The following VIL1 variants were observed in gnomAD, a reference collection of about 807,000 sequenced individuals.
VIL1 encodes the protein villin 1, also known as villin-1.
Under a neutral mutation model 104.0 loss-of-function variants are expected in VIL1, and 86 were observed. The observed-to-expected ratio is 0.83, with a 90% CI of 0.69 to 0.99. The LOEUF (loss-of-function observed/expected upper bound fraction) is 0.99, where lower values mean the gene tolerates loss of function less well. Among genes scored for constraint, VIL1 ranks in the 50% least tolerant of loss-of-function variants. The pLI is 0.00. For synonymous variants in VIL1, 394 were observed against 412.6 expected (o/e 0.95, Z 0.55); for missense variants, 944 against 1,054.1 (o/e 0.90, Z 1.45).
intron 9 of VIL1, among the ~76,000 whole-genome samples, chr2:218,430,269 TG>T (rs1431727641): frequency 6.6e-6 from 1 of 152,060 alleles, no homozygotes; most frequent in Non-Finnish European, 1.5e-5. Context: ...GGAGGGAGGC[TG>T]GCTTCCTACA....
chr2:218,419,709 G>C (rs1688868261), intron 1 of VIL1, among the ~76,000 whole-genome samples: 1 of 152,214 alleles, frequency 6.6e-6, no homozygotes, highest in Non-Finnish European at 1.5e-5. Flanking sequence ...GAGGCAAGGG[G>C]CTGGAGGTGG....
chr2:218,434,577 T>C lies in VIL1; in HGVS notation c.1552T>C (p.Phe518Leu). The change falls in exon 14 of 20, where the codon TTC becomes CTC. Residue 518 changes from phenylalanine (F) to leucine (L), a missense_variant. By Grantham distance (22) the Phe-to-Leu change is conservative (BLOSUM62 0). Coordinates refer to ENST00000248444, the MANE Select transcript of VIL1 (RefSeq NM_007127.3). ...NLETGPSTRL[F>L]QVQGTGANNT... ...GGAGACCGGGCCCTCCACACGGCTG[T>C]TCCAGGTCCAGGGAACTGGCGCCAA... is the stretch of plus-strand genomic sequence containing the variant. 6.2e-7 allele frequency: 1 copy of C among 1,614,128 alleles called. No individual in the cohort carries two copies.
rs1689155043 is a variant in VIL1, at chr2:218,434,579, C to T, written c.1554C>T (p.Phe518=). ...AGACCGGGCCCTCCACACGGCTGTT[C>T]CAGGTCCAGGGAACTGGCGCCAACA... is the stretch of plus-strand genomic sequence containing the variant. The part of the protein sequence containing the change: ...NLETGPSTRL[F]QVQGTGANNT... Residue 518 remains phenylalanine (F), a synonymous_variant, in exon 14 of 20, where the codon TTC becomes TTT. Transcript: ENST00000248444. The T allele has an allele frequency of 1.9e-6, 3 of 1,614,026 alleles. No individual in the cohort carries two copies. The South Asian group carries it at 3.3e-5, about 18-fold the overall frequency.
chr2:218,429,535 A>C (rs6720403), intron 7 of VIL1, 48 bp downstream of exon 7: 595,964 of 1,613,092 alleles, frequency 0.37, 113,172 homozygotes, highest in Non-Finnish European at 0.39. Flanking sequence ...TCCCTGGGAG[A>C]AGGTGCCCTG....
chr2:218,426,641 G>T (rs529635775), intron 4 of VIL1, among the ~76,000 whole-genome samples: 1 of 150,550 alleles, frequency 6.6e-6, no homozygotes, highest in South Asian at 2.1e-4. Context: ...TTGTTCTGCC[G>T]CCCAGGCTGG....
rs1689037707 is a variant in VIL1 at position 218,428,261 on chromosome 2, A to T, written c.491A>T (p.Asp164Val). ...TCCTGGAAGAGTTTCAACCGAGGGG[A>T]TGTTTTCCTCCTGGACCTTGGGAAG... is the stretch of plus-strand genomic sequence containing the variant. ...EMSWKSFNRG[D>V]VFLLDLGKLI... Residue 164 changes from aspartate (D) to valine (V), a missense_variant, in exon 6 of 20, where the codon GAT becomes GTT. Physicochemically the swap from Asp to Val is radical, Grantham distance 152. Transcript: ENST00000248444. 6.2e-7 allele frequency: 1 copy of T among 1,614,018 alleles called. No homozygotes were observed. The highest frequency in any genetic ancestry group is 8.5e-7 in the Non-Finnish European group (1 of 1,180,018).
In VIL1 at chr2:218,428,018, A is replaced by G. The variant is rs749583610; in HGVS notation, c.401A>G (p.Tyr134Cys). ...ATGAAGCACGTGGAGACCAACTCCTATGACGTCCAGAGGCTGCTGCATGTC... is the reference window on the plus strand; with the variant it reads ...ATGAAGCACGTGGAGACCAACTCCTGTGACGTCCAGAGGCTGCTGCATGTC... ...SGMKHVETNS[Y>C]DVQRLLHVKG... Residue 134 changes from tyrosine to cysteine, a missense_variant, in exon 5 of 20, where the codon TAT becomes TGT. Physicochemically the swap from Tyr to Cys is radical, Grantham distance 194. Transcript: ENST00000248444. The G allele has an allele frequency of 1.2e-5, 20 of 1,614,022 alleles. No individual in the cohort carries two copies. The highest frequency in any genetic ancestry group is 5.3e-5 in the African/African-American group (4 of 74,922).
At chr2:218,421,543 G>A (rs572138183) in intron 1 of VIL1, among the ~76,000 whole-genome samples, 1 of 152,242 alleles carries the variant, frequency 6.6e-6, no homozygotes, top group East Asian at 1.9e-4. Flanking sequence ...GAGAAGTGAG[G>A]AGGAGGCCCT....
rs1689203362 is a variant in VIL1, at chr2:218,437,054, C to T, written c.1972-70C>T. ...TCAAGGTCAGGGTTTCACTGTTGGA[C>T]AACTGAGGCAGAGCCCTGTGGGCCA... is the stretch of plus-strand genomic sequence containing the variant. On this transcript the variant is annotated intron_variant, in intron 16 of 19. Coordinates refer to ENST00000248444, the MANE Select transcript of VIL1 (RefSeq NM_007127.3). The T allele has an allele frequency of 4.2e-5, 66 of 1,553,156 alleles. 1 individual carries two copies. The highest frequency in any genetic ancestry group is 5.5e-5 in the Non-Finnish European group (63 of 1,140,276).
intron 8 of VIL1, 27 bp from the exon 9 acceptor site, chr2:218,429,822 T>C: frequency 6.2e-7 from 1 of 1,605,852 alleles, no homozygotes; most frequent in East Asian, 2.2e-5. Flanking sequence ...TCCAGCTCCA[T>C]CAGACTCTTA....
In VIL1 at chr2:218,437,514, A is replaced by T. The variant is rs563977532; in HGVS notation, c.2160+202A>T. ...AAGAAGTCTATCAAAAACCAAGGCT[A>T]ATTATAGTGCCTTGTTTGTGCACTA... On this transcript the variant is annotated intron_variant, in intron 17 of 19. Transcript: ENST00000248444. Among the ~76,000 whole-genome samples the T allele has an allele frequency of 2.0e-5, 3 of 152,364 alleles. No individual in the cohort carries two copies. The East Asian group carries it at 5.8e-4, about 29-fold the overall frequency.
At chr2:218,436,382 A>G in intron 15 of VIL1, 100 bp from the exon 16 acceptor site, 1 of 1,464,540 alleles carries the variant, frequency 6.8e-7, no homozygotes, top group Non-Finnish European at 9.2e-7. Context: ...GCTGGAGATG[A>G]CCTTTCTATG....
intron 7 of VIL1, 37 bp from the exon 8 acceptor site, chr2:218,429,560 G>A: frequency 6.2e-7 from 1 of 1,613,934 alleles, no homozygotes; most frequent in Non-Finnish European, 8.5e-7. Flanking sequence ...AGGGACTTGG[G>A]CCCCCTCCCC....
In VIL1 at chr2:218,425,625, C is replaced by G; in HGVS notation, c.161C>G (p.Thr54Arg). ...DCYIILAIHKTASSLSYDIHY... is the reference protein window; with the variant it reads ...DCYIILAIHKRASSLSYDIHY... ...ACACCTTTTCCCTAGATCCACAAGACAGCCAGCAGCCTGTCCTATGACATC... is the reference window on the plus strand; with the variant it reads ...ACACCTTTTCCCTAGATCCACAAGAGAGCCAGCAGCCTGTCCTATGACATC... The change falls in exon 4 of 20, where the codon ACA becomes AGA. Residue 54 changes from threonine (T) to arginine (R), a missense_variant. By Grantham distance (71) the Thr-to-Arg change is moderately conservative. Transcript: ENST00000248444. 1 of 1,614,152 alleles carries G rather than the reference C, an allele frequency of 6.2e-7. No individual in the cohort carries two copies. The highest frequency in any genetic ancestry group is 8.5e-7 in the Non-Finnish European group (1 of 1,180,018).
chr2:218,428,088 C>T lies in VIL1; in HGVS notation c.456+15C>T. The T allele has an allele frequency of 6.2e-7, 1 of 1,613,246 alleles. No individual in the cohort carries two copies. Among genetic ancestry groups the T allele is most frequent in the Non-Finnish European group, 8.5e-7 (1 of 1,179,224 alleles). On this transcript the variant is annotated intron_variant, in intron 5 of 19. Coordinates refer to ENST00000248444, the MANE Select transcript of VIL1 (RefSeq NM_007127.3). ...TAGCTGGAGAGGTAGGCAGGCCCCA[C>T]TGGAGCATCGGCCAGGGCTGTGAGG...
At chr2:218,424,931 A>G (rs539855508) in intron 3 of VIL1, among the ~76,000 whole-genome samples, 2 of 152,232 alleles carry the variant, frequency 1.3e-5, no homozygotes, top group South Asian at 2.1e-4. Flanking sequence ...AAATGCTGGG[A>G]TTACAGGCAT....
intron 19 of VIL1, among the ~76,000 whole-genome samples, chr2:218,444,542 T>G (rs2106397607): frequency 6.6e-6 from 1 of 151,930 alleles, no homozygotes; most frequent in African/African-American, 2.4e-5. Context: ...CCTCCCAAAG[T>G]GCTGGGATTA....
chr2:218,422,726 C>G (rs973671411), intron 1 of VIL1, among the ~76,000 whole-genome samples: 1 of 152,202 alleles, frequency 6.6e-6, no homozygotes, highest in Non-Finnish European at 1.5e-5. Flanking sequence ...GGAGGCCTGA[C>G]CTGTCGGCCA....
chr2:218,440,660 G>A, intron 18 of VIL1, 62 bp from the exon 19 acceptor site: 1 of 1,605,216 alleles, frequency 6.2e-7, no homozygotes, highest in Non-Finnish European at 8.5e-7. Flanking sequence ...CAGAGAGAAA[G>A]GCAGCCTGGG....
Sources: allele counts gnomAD v4.1 joint callset (sites outside exome capture counted in the v4.1 genomes callset), GRCh38; gene constraint gnomAD v4.1.1; transcripts MANE v1.5; gene names NCBI Gene and HGNC (gene_info 2026-07-23, HGNC 2026-07-21).